Variants in CUX2 observed in about 807,000 individuals in gnomAD.
CUX2 encodes the protein homeobox protein cut-like 2.
A neutral mutation model predicts 144.8 loss-of-function variants in CUX2; 40 were observed. The observed-to-expected ratio is 0.28, with a 90% CI of 0.21 to 0.36. The LOEUF is 0.36. Among genes scored for constraint, CUX2 ranks in the 10% least tolerant of loss-of-function variants. CUX2 has a pLI of 1.00. For missense variants in CUX2, 1,615 were observed against 1,994.0 expected (o/e 0.81, Z 3.62); for synonymous variants, 827 against 875.6 (o/e 0.94, Z 0.98).
chr12:111,180,554 A>C (rs867646989), intron 1 of CUX2, among the ~76,000 whole-genome samples: 7 of 152,240 alleles, frequency 4.6e-5, no homozygotes, highest in South Asian at 2.1e-4. Context: ...AAGTAAAAGG[A>C]AAGGTTAGGG....
Position 111,293,658 on chromosome 12 carries a change from C to G in CUX2, c.560+89C>G. ...GCTGGGTCGTGGACGGGGAAAGTCT[C>G]CTACCAGAATCCAGATGCAGGCTGG... On this transcript the variant is annotated intron_variant, in intron 6 of 21. Coordinates refer to ENST00000261726, the MANE Select transcript of CUX2 (RefSeq NM_015267.4). This position sits in a 1 kb window ranked among gnomAD's most constrained non-coding sequence, Gnocchi z 4.5. The G allele has an allele frequency of 1.4e-6, 2 of 1,478,878 alleles. No homozygotes were observed. The highest frequency in any genetic ancestry group is 1.8e-6 in the Non-Finnish European group (2 of 1,106,416). The allele number at this position is 1,478,878 out of a possible 1,614,324, so 91.6% of individuals were successfully genotyped here.
rs1248971202 is a variant in CUX2 at position 111,114,237 on chromosome 12, C to CTGATAAT, written c.63+79997_63+79998insTGATAAT. Among the ~76,000 whole-genome samples the CTGATAAT allele has an allele frequency of 5.7e-3, 867 of 152,284 alleles. 6 individuals are homozygous for CTGATAAT. The highest frequency in any genetic ancestry group is 0.019 in the African/African-American group (805 of 41,546). ...GAGAGTTTCAGTTGCTCTACAAGCT[C>CTGATAAT]ACCAGCATTTGATATTATCATTTTT... On this transcript the variant is annotated intron_variant, in intron 1 of 21. Transcript: ENST00000261726.
At chr12:111,306,833 T>G in intron 10 of CUX2, 88 bp from the exon 11 acceptor site, 1 of 1,125,544 alleles carries the variant, frequency 8.9e-7, no homozygotes, top group Non-Finnish European at 1.3e-6. Context: ...CAAATTTGCA[T>G]TCTGCTTGGG....
intron 1 of CUX2, among the ~76,000 whole-genome samples, chr12:111,207,455 A>G (rs1880981845): frequency 6.6e-6 from 1 of 152,164 alleles, no homozygotes; most frequent in Non-Finnish European, 1.5e-5. Flanking sequence ...GGACGAGTGG[A>G]TGGGTAGATG....
chr12:111,337,544 AGTCT>A (rs1176921897), intron 19 of CUX2, among the ~76,000 whole-genome samples: 1 of 152,148 alleles, frequency 6.6e-6, no homozygotes, highest in Non-Finnish European at 1.5e-5. Flanking sequence ...TCTAAAAATA[AGTCT>A]GTGTGCATCT....
intron 1 of CUX2, among the ~76,000 whole-genome samples, chr12:111,064,886 G>A (rs927626916): frequency 1.3e-5 from 2 of 152,222 alleles, no homozygotes; most frequent in African/African-American, 2.4e-5. Flanking sequence ...CCCAATGCCC[G>A]GCATACAGTA....
intron 1 of CUX2, among the ~76,000 whole-genome samples, chr12:111,198,805 G>T (rs772111080): frequency 2.0e-5 from 3 of 152,248 alleles, no homozygotes; most frequent in Non-Finnish European, 4.4e-5. Context: ...AGGTGAGAAA[G>T]AGGCTGGCTC....
chr12:111,257,684 C>A (rs189588405), intron 3 of CUX2, among the ~76,000 whole-genome samples: 139 of 136,464 alleles, frequency 1.0e-3, no homozygotes, highest in African/African-American at 3.3e-3. Context: ...CTCTTCCTCC[C>A]TCCTCCTTCC....
chr12:111,163,117 G>T (rs1315905928), intron 1 of CUX2, among the ~76,000 whole-genome samples: 1 of 151,394 alleles, frequency 6.6e-6, no homozygotes, highest in African/African-American at 2.4e-5. Context: ...CTGACTGGCT[G>T]CCTGACCTTG....
chr12:111,342,730 G>A (rs1356122796), intron 21 of CUX2, among the ~76,000 whole-genome samples: 1 of 151,986 alleles, frequency 6.6e-6, no homozygotes, highest in African/African-American at 2.4e-5. Context: ...AGGCCGAGGT[G>A]GGCAGATCAC....
chr12:111,036,426 C>A (rs1254968511), intron 1 of CUX2, among the ~76,000 whole-genome samples: 2 of 152,172 alleles, frequency 1.3e-5, no homozygotes, highest in African/African-American at 4.8e-5. Flanking sequence ...CCCAAGGGGT[C>A]TTTTGTGGAA....
intron 3 of CUX2, among the ~76,000 whole-genome samples, chr12:111,224,457 G>A (rs568935195): frequency 2.0e-5 from 3 of 148,132 alleles, no homozygotes; most frequent in African/African-American, 7.5e-5. Context: ...CCCCCCTTCT[G>A]CTCCGTGTCT....
At position 111,266,127 on chromosome 12, in the gene CUX2, C is replaced by A. The variant is rs796411645; in HGVS notation, c.301+2288C>A. Among the ~76,000 whole-genome samples the A allele has an allele frequency of 7.5e-4, 114 of 152,204 alleles. 1 individual carries two copies. The highest frequency in any genetic ancestry group is 2.7e-3 in the African/African-American group (111 of 41,534). The stretch of plus-strand genomic sequence containing the variant: ...TGCAGATGTAATTAGCTAAGGATCT[C>A]AAGATGAGATCATCCTGGCTTTAGG... On this transcript the variant is annotated intron_variant, in intron 4 of 21. Coordinates refer to ENST00000261726, the MANE Select transcript of CUX2 (RefSeq NM_015267.4).
chr12:111,092,721 A>G (rs1409922807), intron 1 of CUX2, among the ~76,000 whole-genome samples: 1 of 151,946 alleles, frequency 6.6e-6, no homozygotes, highest in Non-Finnish European at 1.5e-5. Flanking sequence ...GGCAGAGGCT[A>G]ATCTTTGCAG....
At chr12:111,163,957 AG>A (rs1877954736) in intron 1 of CUX2, among the ~76,000 whole-genome samples, 2 of 152,190 alleles carry the variant, frequency 1.3e-5, no homozygotes, top group African/African-American at 4.8e-5. Flanking sequence ...AACCTTGAGC[AG>A]GTGACTTTGT....
intron 10 of CUX2, 44 bp from the exon 11 acceptor site, chr12:111,306,877 C>A (rs748393976): frequency 1.3e-6 from 2 of 1,512,382 alleles, no homozygotes; most frequent in South Asian, 2.6e-5. Context: ...CTGTGGACCC[C>A]CATCCCTCAC....
chr12:111,234,716 CT>C (rs779196975), intron 3 of CUX2, among the ~76,000 whole-genome samples: 2,965 of 132,910 alleles, frequency 0.022, 82 homozygotes, highest in African/African-American at 0.068. Flanking sequence ...CTTCCCCTTT[CT>C]TTTTTTTTTT....
intron 1 of CUX2, among the ~76,000 whole-genome samples, chr12:111,154,340 A>C (rs965832799): frequency 2.6e-5 from 4 of 152,226 alleles, no homozygotes; most frequent in East Asian, 3.9e-4. Flanking sequence ...TTCAGATCCG[A>C]GTTCACATGT....
At chr12:111,251,675 T>C (rs368409757) in intron 3 of CUX2, among the ~76,000 whole-genome samples, 1 of 152,186 alleles carries the variant, frequency 6.6e-6, no homozygotes, top group African/African-American at 2.4e-5. Context: ...CTGTGCCTTA[T>C]TTTTACCCTG....
Sources: gnomAD v4.1 joint callset for allele counts (sites outside exome capture counted in the v4.1 genomes callset) on GRCh38, gnomAD v4.1.1 for gene constraint, Gnocchi (gnomAD v3.1) non-coding constraint, MANE v1.5 for transcripts, NCBI Gene and HGNC (gene_info 2026-07-23, HGNC 2026-07-21) for gene names.